NPRL2: variants seen among roughly 807,000 people sequenced by gnomAD.
NPRL2 encodes GATOR1 complex protein NPRL2.
NPRL2 carries 21 observed loss-of-function variants against 51.1 expected under a neutral mutation model. That is an observed-to-expected ratio of 0.41 (90% CI 0.29 to 0.59). The LOEUF (loss-of-function observed/expected upper bound fraction) is 0.59, where lower values mean the gene tolerates loss of function less well. Among genes scored for constraint, NPRL2 ranks in the 20% least tolerant of loss-of-function variants. The pLI is 0.29. For synonymous variants in NPRL2, 175 were observed against 187.8 expected, an observed-to-expected ratio of 0.93 and a Z score of 0.56; for missense variants, 376 against 483.4, an observed-to-expected ratio of 0.78 and a Z score of 2.08.
In NPRL2 at chr3:50,348,689, G is replaced by T. The variant is rs1486590891; in HGVS notation, c.679C>A (p.Leu227Met). The change falls in exon 6 of 11, where the codon CTG becomes ATG. Residue 227 changes from leucine (L) to methionine (M), a missense_variant. Transcript: ENST00000232501. The surrounding 1 kb of genome is among the most constrained non-coding windows in gnomAD (Gnocchi z 5.8). The stretch of plus-strand genomic sequence containing the variant: ...TATGACTGTAGGCCCACTCACAGCA[G>T]GTTCTGGATAGCAATGCGCACCAGG... ...LNLVRIAIQN[L>M]LYYGVVTLVS... is the part of the protein sequence containing the mutation. 50 of 1,613,940 alleles carry T rather than the reference G, an allele frequency of 3.1e-5. No homozygotes were observed. Among genetic ancestry groups the T allele is most frequent in the Non-Finnish European group, 4.2e-5 (50 of 1,180,034 alleles).
At position 50,348,396 on chromosome 3, in the gene NPRL2, G is replaced by A. The variant is rs587744753; in HGVS notation, c.735C>T (p.Tyr245=). ...GGTCCTGGACCTTGGGCGTTGGGCA[G>A]TATACATTGGAGTACTAGAGGGTAG... is the stretch of plus-strand genomic sequence containing the variant. ...LVSILQYSNV[Y]CPTPKVQDLV... The change falls in exon 8 of 11, where the codon TAC becomes TAT. Residue 245 remains tyrosine, a synonymous_variant. Transcript: ENST00000232501. This position sits in a 1 kb window ranked among gnomAD's most constrained non-coding sequence, Gnocchi z 5.8. 10 of 1,613,920 alleles carry A rather than the reference G, an allele frequency of 6.2e-6. No individual in the cohort carries two copies. The Admixed American group carries it at 1.5e-4, about 24-fold the overall frequency.
chr3:50,350,051 C>A lies in NPRL2; in HGVS notation c.79-29G>T. ...GGGAGGGGAGTGGCAATGGGCCCCT[C>A]AGTGGACATCTGTACTGGGTGTAGT... On this transcript the variant is annotated intron_variant, in intron 1 of 10. Coordinates refer to ENST00000232501, the MANE Select transcript of NPRL2 (RefSeq NM_006545.5). This position sits in a 1 kb window ranked among gnomAD's most constrained non-coding sequence, Gnocchi z 5.7. The A allele has an allele frequency of 6.3e-7, 1 of 1,576,398 alleles. No individual in the cohort carries two copies. The highest frequency in any genetic ancestry group is 1.1e-5 in the South Asian group (1 of 90,056).
chr3:50,350,297 G>A lies in NPRL2; in HGVS notation c.79-275C>T. 2 of 600,506 alleles carry A rather than the reference G, an allele frequency of 3.3e-6. No homozygotes were observed. Among genetic ancestry groups the A allele is most frequent in the Non-Finnish European group, 5.9e-6 (2 of 338,528 alleles). The allele number at this position is 600,506 out of a possible 1,614,324, so 37.2% of individuals were successfully genotyped here. ...TCATTTACTCTTCACTCAGTTCAGG[G>A]ATACTCATGGGTCACCCAACTCACC... On this transcript the variant is annotated intron_variant, in intron 1 of 10. Transcript: ENST00000232501. This position sits in a 1 kb window ranked among gnomAD's most constrained non-coding sequence, Gnocchi z 5.7.
chr3:50,350,636 C>A lies in NPRL2; in HGVS notation c.17G>T (p.Arg6Leu), dbSNP rs1351907481. Residue 6 changes from arginine (R) to leucine (L), a missense_variant, in exon 1 of 11, where the codon CGC becomes CTC. Physicochemically the swap from Arg to Leu is moderately radical, Grantham distance 102. Coordinates refer to ENST00000232501, the MANE Select transcript of NPRL2 (RefSeq NM_006545.5). The surrounding 1 kb of genome is among the most constrained non-coding windows in gnomAD (Gnocchi z 5.7). MGSGCRIECIFFSEFH... is the reference protein window; with the variant it reads MGSGCLIECIFFSEFH... ...CTCGCTGAAGAATATGCATTCGATG[C>A]GGCAGCCGCTGCCCATGGCAATAAC... The A allele has an allele frequency of 2.5e-6, 4 of 1,606,598 alleles. No individual in the cohort carries two copies. Among genetic ancestry groups the A allele is most frequent in the East Asian group, 2.2e-5 (1 of 44,626 alleles).
chr3:50,348,275 C>T lies in NPRL2; in HGVS notation c.815-34G>A. The T allele has an allele frequency of 1.2e-6, 2 of 1,613,668 alleles. No individual in the cohort carries two copies. The highest frequency in any genetic ancestry group is 8.5e-7 in the Non-Finnish European group (1 of 1,179,774). On this transcript the variant is annotated intron_variant, in intron 8 of 10. Coordinates refer to ENST00000232501, the MANE Select transcript of NPRL2 (RefSeq NM_006545.5). This position sits in a 1 kb window ranked among gnomAD's most constrained non-coding sequence, Gnocchi z 5.8. The stretch of plus-strand genomic sequence containing the variant: ...GCCAGGGATCAGCTCATCATGTGGC[C>T]CTGCCCTCCCCAAGATGGCTTCCCC...
chr3:50,348,797 A>T lies in NPRL2; in HGVS notation c.586-15T>A, dbSNP rs770469420. ...TAGGGCAGGATCTGGGCAGAGTGGGACAAGGTCAGAAGAAACAGGATGAGG... is the reference window on the plus strand; with the variant it reads ...TAGGGCAGGATCTGGGCAGAGTGGGTCAAGGTCAGAAGAAACAGGATGAGG... On this transcript the variant is annotated splice_polypyrimidine_tract_variant and intron_variant, in intron 5 of 10. Coordinates refer to ENST00000232501, the MANE Select transcript of NPRL2 (RefSeq NM_006545.5). The surrounding 1 kb of genome is among the most constrained non-coding windows in gnomAD (Gnocchi z 5.8). The T allele has an allele frequency of 1.9e-6, 3 of 1,614,016 alleles. No homozygotes were observed. In the South Asian group the frequency reaches 3.3e-5, roughly 18 times the overall value.
chr3:50,350,740 G>C lies in NPRL2; in HGVS notation c.-88C>G, dbSNP rs766898010. On this transcript the variant is annotated 5_prime_UTR_variant, in exon 1 of 11. Coordinates refer to ENST00000232501, the MANE Select transcript of NPRL2 (RefSeq NM_006545.5). This position sits in a 1 kb window ranked among gnomAD's most constrained non-coding sequence, Gnocchi z 5.7. The stretch of plus-strand genomic sequence containing the variant: ...GTGAACACTTGTCAGAGACAGCCTC[G>C]AGGCCTGTGTCGCTGGGGCACGCAA... 126 of 1,518,124 alleles carry C rather than the reference G, an allele frequency of 8.3e-5. No individual in the cohort carries two copies. Among genetic ancestry groups the C allele is most frequent in the Middle Eastern group, 1.7e-4 (1 of 5,876 alleles). The allele number at this position is 1,518,124 out of a possible 1,614,324, so 94.0% of individuals were successfully genotyped here.
Position 50,348,897 on chromosome 3 carries a change from G to A in NPRL2, c.562C>T (p.Gln188Ter), listed in dbSNP as rs2109365845. ...TKDKEDFFNSQWDLTTQQILP... is the reference protein window; with the variant it reads ...TKDKEDFFNS ...ACTTGTTGTGTAGTGAGGTCCCACT[G>A]TGAGTTGAAGAAATCCTCCTTGTCT... Residue 188 changes from glutamine (Q) to a stop codon, truncating the protein, a stop_gained, in exon 5 of 11, where the codon CAG becomes TAG. Coordinates refer to ENST00000232501, the MANE Select transcript of NPRL2 (RefSeq NM_006545.5). LOFTEE classifies it high-confidence loss of function. This position sits in a 1 kb window ranked among gnomAD's most constrained non-coding sequence, Gnocchi z 5.8. 1 of 1,614,062 alleles carries A rather than the reference G, an allele frequency of 6.2e-7. No individual in the cohort carries two copies. The highest frequency in any genetic ancestry group is 8.5e-7 in the Non-Finnish European group (1 of 1,180,016).
rs1296183084 is a variant in NPRL2 at position 50,347,673 on chromosome 3, C to T, written c.1076G>A (p.Gly359Asp). ...CTCATCCAGCTCATGGTAGCTCATGCCTGGGTGGGGTGGTGGAGGAGAGGT... is the reference window on the plus strand; with the variant it reads ...CTCATCCAGCTCATGGTAGCTCATGTCTGGGTGGGGTGGTGGAGGAGAGGT... ...HSYDEICCKTGMSYHELDERL... is the reference protein window; with the variant it reads ...HSYDEICCKTDMSYHELDERL... The change falls in exon 11 of 11, where the codon GGC becomes GAC. Residue 359 changes from glycine to aspartate, a missense_variant and splice_region_variant. By Grantham distance (94) the Gly-to-Asp change is moderately conservative (BLOSUM62 -1). Transcript: ENST00000232501. 5 of 1,613,932 alleles carry T rather than the reference C, an allele frequency of 3.1e-6. No individual in the cohort carries two copies. Among genetic ancestry groups the T allele is most frequent in the Non-Finnish European group, 3.4e-6 (4 of 1,180,038 alleles).
rs1390449359 is a variant in NPRL2, at chr3:50,349,916, G to A, written c.170+15C>T. 3.7e-6 allele frequency: 6 copies of A among 1,613,660 alleles called. No homozygotes were observed. Among genetic ancestry groups the A allele is most frequent in the Non-Finnish European group, 3.4e-6 (4 of 1,179,936 alleles). On this transcript the variant is annotated intron_variant, in intron 2 of 10. Transcript: ENST00000232501. This position sits in a 1 kb window ranked among gnomAD's most constrained non-coding sequence, Gnocchi z 4.6. ...ACCCCTGCCACCCACCGCTCACCCC[G>A]AGCTAGGGTCTCACACAGTGATAAG...
At position 50,347,495 on chromosome 3, in the gene NPRL2, G is replaced by A. The variant is rs1345240862; in HGVS notation, c.*111C>T. ...AAACAGCACTCAATAAAGGCTGTTT[G>A]AAATGGATGTCTTTATTTACAGAAC... On this transcript the variant is annotated 3_prime_UTR_variant, in exon 11 of 11. Transcript: ENST00000232501. The A allele has an allele frequency of 7.9e-6, 11 of 1,395,580 alleles. No homozygotes were observed. The East Asian group carries it at 2.1e-4, about 26-fold the overall frequency. 86.4% of individuals were successfully genotyped at this position (1,395,580 alleles called of 1,614,324 possible).
At position 50,347,483 on chromosome 3, in the gene NPRL2, TA is replaced by T. The variant is rs1703591655; in HGVS notation, c.*122del. 1.0e-5 allele frequency: 13 copies of T among 1,285,734 alleles called. No individual in the cohort carries two copies. The East Asian group carries it at 3.1e-4, about 31-fold the overall frequency. 79.6% of individuals were successfully genotyped at this position (1,285,734 alleles called of 1,614,324 possible). ...CGGCTGGCCCAGAAACAGCACTCAA[TA>T]AAGGCTGTTTGAAATGGATGTCTTT... On this transcript the variant is annotated 3_prime_UTR_variant, in exon 11 of 11. Coordinates refer to ENST00000232501, the MANE Select transcript of NPRL2 (RefSeq NM_006545.5).
chr3:50,348,254 G>GT lies in NPRL2; in HGVS notation c.815-14_815-13insA. ...GCCCTCTTGTGCCCTGTGGGTGCCA[G>GT]GGATCAGCTCATCATGTGGCCCTGC... On this transcript the variant is annotated splice_polypyrimidine_tract_variant and intron_variant, in intron 8 of 10. Transcript: ENST00000232501. This position sits in a 1 kb window ranked among gnomAD's most constrained non-coding sequence, Gnocchi z 5.8. 6.2e-7 allele frequency: 1 copy of GT among 1,613,924 alleles called. No individual in the cohort carries two copies. Among genetic ancestry groups the GT allele is most frequent in the Admixed American group, 1.7e-5 (1 of 60,026 alleles).
Position 50,349,591 on chromosome 3 carries a change from G to C in NPRL2, c.339+74C>G. On this transcript the variant is annotated intron_variant, in intron 3 of 10. Transcript: ENST00000232501. The surrounding 1 kb of genome is among the most constrained non-coding windows in gnomAD (Gnocchi z 4.6). ...GCTGGTTTGCAGGGTCCCAGGTTTG[G>C]GGGACTTTGGAGACATGGGAACACC... The C allele has an allele frequency of 6.2e-7, 1 of 1,607,942 alleles. No individual in the cohort carries two copies. Among genetic ancestry groups the C allele is most frequent in the South Asian group, 1.1e-5 (1 of 90,792 alleles).
Position 50,348,691 on chromosome 3 carries a change from T to A in NPRL2, c.677A>T (p.Asn226Ile). The change falls in exon 6 of 11, where the codon AAC (asparagine) becomes ATC (isoleucine). Residue 226 changes from asparagine to isoleucine, a missense_variant. Asn to Ile is a moderately radical substitution (Grantham distance 149). Coordinates refer to ENST00000232501, the MANE Select transcript of NPRL2 (RefSeq NM_006545.5). This position sits in a 1 kb window ranked among gnomAD's most constrained non-coding sequence, Gnocchi z 5.8. The stretch of plus-strand genomic sequence containing the variant: ...TGACTGTAGGCCCACTCACAGCAGG[T>A]TCTGGATAGCAATGCGCACCAGGTT... ...ELNLVRIAIQ[N>I]LLYYGVVTLV... 6.2e-7 allele frequency: 1 copy of A among 1,614,006 alleles called. No homozygotes were observed. Among genetic ancestry groups the A allele is most frequent in the East Asian group, 2.2e-5 (1 of 44,876 alleles).
rs970921215 is a variant in NPRL2, at chr3:50,348,541, C to T, written c.706G>A (p.Val236Met). 1 of 1,614,112 alleles carries T rather than the reference C, an allele frequency of 6.2e-7. No individual in the cohort carries two copies. The highest frequency in any genetic ancestry group is 8.5e-7 in the Non-Finnish European group (1 of 1,180,026). Residue 236 changes from valine (V) to methionine (M), a missense_variant, in exon 7 of 11, where the codon GTG (valine) becomes ATG (methionine). Coordinates refer to ENST00000232501, the MANE Select transcript of NPRL2 (RefSeq NM_006545.5). The surrounding 1 kb of genome is among the most constrained non-coding windows in gnomAD (Gnocchi z 5.8). ...AACTCACCTACCTGGAGGATGGACA[C>T]CAGTGTCACAACGCCGTAGTACCTG... ...NLLYYGVVTL[V>M]SILQYSNVYC...
In NPRL2 at chr3:50,349,028, C is replaced by T. The variant is rs1703655932; in HGVS notation, c.449-18G>A. On this transcript the variant is annotated intron_variant, in intron 4 of 10. Transcript: ENST00000232501. The surrounding 1 kb of genome is among the most constrained non-coding windows in gnomAD (Gnocchi z 4.6). The stretch of plus-strand genomic sequence containing the variant: ...GGACTCATCTGCAGGGGGCCCCATC[C>T]ATATCCTCAGTGCCACTTCTTCCAA... 2.5e-6 allele frequency: 4 copies of T among 1,610,508 alleles called. 1 individual carries two copies. The East Asian group carries it at 8.9e-5, about 36-fold the overall frequency.
In NPRL2 at chr3:50,350,704, C is replaced by T; in HGVS notation, c.-52G>A. 1 of 1,559,626 alleles carries T rather than the reference C, an allele frequency of 6.4e-7. No individual in the cohort carries two copies. Among genetic ancestry groups the T allele is most frequent in the Non-Finnish European group, 8.7e-7 (1 of 1,153,086 alleles). On this transcript the variant is annotated 5_prime_UTR_variant, in exon 1 of 11. Coordinates refer to ENST00000232501, the MANE Select transcript of NPRL2 (RefSeq NM_006545.5). This position sits in a 1 kb window ranked among gnomAD's most constrained non-coding sequence, Gnocchi z 5.7. ...CTCCTCGTTCCTCGCGCAGAGGCGT[C>T]CCCACCTCCTGTGAACACTTGTCAG...
chr3:50,350,112 G>T lies in NPRL2; in HGVS notation c.79-90C>A. 1 of 1,043,340 alleles carries T rather than the reference G, an allele frequency of 9.6e-7. No individual in the cohort carries two copies. Among genetic ancestry groups the T allele is most frequent in the Non-Finnish European group, 1.5e-6 (1 of 681,204 alleles). 64.6% of individuals were successfully genotyped at this position (1,043,340 alleles called of 1,614,324 possible). On this transcript the variant is annotated intron_variant, in intron 1 of 10. Transcript: ENST00000232501. This position sits in a 1 kb window ranked among gnomAD's most constrained non-coding sequence, Gnocchi z 5.7. The stretch of plus-strand genomic sequence containing the variant: ...ACCTCCTCATGCCCCCCAAGCCCAA[G>T]TCCTCTTCTCCAGCGTTCCCCTCTC...
Sources: gnomAD v4.1 joint callset for allele counts on GRCh38, gnomAD v4.1.1 for gene constraint, Gnocchi (gnomAD v3.1) non-coding constraint, MANE v1.5 for transcripts, NCBI Gene and HGNC (gene_info 2026-07-23, HGNC 2026-07-21) for gene names.